NHS: variants seen among roughly 807,000 people sequenced by gnomAD.
The protein encoded by NHS is NHS actin remodeling regulator, also known as actin remodeling regulator NHS.
NHS carries 5 observed loss-of-function variants against 72.5 expected under a neutral mutation model. The ratio of observed to expected loss-of-function variants is 0.07; its 90% CI spans 0.04 to 0.14. NHS has a LOEUF of 0.14. NHS is among the 10% of genes least tolerant of loss of function. NHS has a pLI of 1.00. For missense variants in NHS, 1,072 were observed against 1,355.7 expected (o/e 0.79, Z 3.29); for synonymous variants, 464 against 547.7 (o/e 0.85, Z 2.13).
At chrX:17,449,209 T>C (rs987902744) in intron 1 of NHS, among the ~76,000 whole-genome samples, 1 of 113,441 alleles carries the variant, frequency 8.8e-6, no homozygotes, top group African/African-American at 3.2e-5. Flanking sequence ...CTTGTTATAA[T>C]TCAGCTCATT....
intron 1 of NHS, among the ~76,000 whole-genome samples, chrX:17,600,683 C>T (rs748085205): frequency 9.0e-6 from 1 of 110,992 alleles, no homozygotes; most frequent in South Asian, 3.8e-4. Context: ...TATTGTCAGG[C>T]TCTATTCATG....
intron 1 of NHS, among the ~76,000 whole-genome samples, chrX:17,486,811 C>T (rs1176921582): frequency 2.7e-5 from 3 of 111,980 alleles, no homozygotes; most frequent in Non-Finnish European, 5.6e-5. Context: ...TTACTGTGTG[C>T]CAGGCACTGT....
chrX:17,383,066 G>T (rs2064386025), intron 1 of NHS, among the ~76,000 whole-genome samples: 1 of 112,056 alleles, frequency 8.9e-6, no homozygotes, highest in South Asian at 3.7e-4. Context: ...CTGAGCTCCA[G>T]TTACCCACAG....
In NHS at chrX:17,625,037, A is replaced by T. The variant is rs1048309229; in HGVS notation, c.566-62705A>T. On this transcript the variant is annotated intron_variant, in intron 1 of 8. Transcript: ENST00000676302. ...AACTGAGAAATAAAAATATTTTCTT[A>T]GTAATTTATTTCAAAATCAACAAAC... Among the ~76,000 whole-genome samples, 4 of 112,736 alleles carry T rather than the reference A, an allele frequency of 3.5e-5. No individual in the cohort carries two copies. The Admixed American group carries it at 3.8e-4, about 11-fold the overall frequency.
At chrX:17,691,999 T>G (rs2066198649) in intron 2 of NHS, among the ~76,000 whole-genome samples, 1 of 111,904 alleles carries the variant, frequency 8.9e-6, no homozygotes, top group African/African-American at 3.3e-5. Flanking sequence ...CCAGTACTGA[T>G]GGCAGCAAAT....
At chrX:17,441,204 C>T (rs774340163) in intron 1 of NHS, among the ~76,000 whole-genome samples, 4 of 112,555 alleles carry the variant, frequency 3.6e-5, no homozygotes, top group Non-Finnish European at 7.5e-5. Flanking sequence ...GCCCCTCCTC[C>T]GTGCTGGTCC....
chrX:17,422,646 G>A (rs1479091712), intron 1 of NHS, among the ~76,000 whole-genome samples: 1 of 111,656 alleles, frequency 9.0e-6, no homozygotes, highest in African/African-American at 3.3e-5. Flanking sequence ...CACCAAAAAT[G>A]TTTTCAGATA....
chrX:17,624,783 G>T lies in NHS; in HGVS notation c.566-62959G>T, dbSNP rs751942184. Among the ~76,000 whole-genome samples the T allele has an allele frequency of 4.4e-5, 5 of 112,849 alleles. No homozygotes were observed. In the South Asian group the frequency reaches 1.8e-3, roughly 41 times the overall value. On this transcript the variant is annotated intron_variant, in intron 1 of 8. Coordinates refer to ENST00000676302, the MANE Select transcript of NHS (RefSeq NM_001291867.2). ...AAGCCCTCAGGCAGAACAACAGAGAGAACTGGATGGTTGTGGTGGGAAATG... is the reference window on the plus strand; with the variant it reads ...AAGCCCTCAGGCAGAACAACAGAGATAACTGGATGGTTGTGGTGGGAAATG...
intron 1 of NHS, among the ~76,000 whole-genome samples, chrX:17,504,741 A>G (rs1405901528): frequency 1.8e-5 from 2 of 112,055 alleles, no homozygotes; most frequent in East Asian, 2.8e-4. Context: ...CAGTGTTTCC[A>G]TTTGCTGATT....
chrX:17,678,783 A>G (rs1426583619), intron 1 of NHS, among the ~76,000 whole-genome samples: 1 of 112,074 alleles, frequency 8.9e-6, no homozygotes, highest in Non-Finnish European at 1.9e-5. Flanking sequence ...TCACTACTAC[A>G]TAATAGACAT....
chrX:17,619,503 A>G (rs958027786), intron 1 of NHS, among the ~76,000 whole-genome samples: 1 of 112,513 alleles, frequency 8.9e-6, no homozygotes, highest in African/African-American at 3.2e-5. Flanking sequence ...GGGCATGTAG[A>G]ACACACTTCT....
chrX:17,661,823 C>A (rs1338149958), intron 1 of NHS, among the ~76,000 whole-genome samples: 1 of 111,909 alleles, frequency 8.9e-6, no homozygotes, highest in Non-Finnish European at 1.9e-5. Context: ...TGAAGAAAGT[C>A]ACCCCGTCTA....
intron 1 of NHS, among the ~76,000 whole-genome samples, chrX:17,494,159 G>T (rs1254252121): frequency 1.0e-5 from 1 of 100,067 alleles, no homozygotes; most frequent in African/African-American, 3.7e-5. Context: ...GCTCACTGCA[G>T]CCTCTGCCTC....
At position 17,538,306 on chromosome X, in the gene NHS, A is replaced by G. The variant is rs780599669; in HGVS notation, c.566-149436A>G. Among the ~76,000 whole-genome samples the G allele has an allele frequency of 2.7e-5, 3 of 111,989 alleles. No individual in the cohort carries two copies. The South Asian group carries it at 1.1e-3, about 42-fold the overall frequency. On this transcript the variant is annotated intron_variant, in intron 1 of 8. Coordinates refer to ENST00000676302, the MANE Select transcript of NHS (RefSeq NM_001291867.2). ...AGGTTGGCTTCCTCTAAAAGCAGAC[A>G]TGACATGAGGAATGGAGCAAATGCT...
At position 17,735,830 on chromosome X, in the gene NHS, C is replaced by G. The variant is rs1048575466; in HGVS notation, c.*3366C>G. ...TTTCAACGTTTACATTCAATCCAAG[C>G]CTTTGTATATTTTAGAGCTGTGCAA... is the stretch of plus-strand genomic sequence containing the variant. On this transcript the variant is annotated 3_prime_UTR_variant, in exon 9 of 9. Transcript: ENST00000676302. 14 of 112,420 alleles carry G rather than the reference C, an allele frequency of 1.2e-4. No homozygotes were observed. The highest frequency in any genetic ancestry group is 2.6e-4 in the Non-Finnish European group (14 of 53,247). The allele number at this position is 112,420 out of a possible 1,213,427, so 9.3% of individuals were successfully genotyped here.
intron 1 of NHS, among the ~76,000 whole-genome samples, chrX:17,376,552 T>C (rs1369112577): frequency 2.7e-5 from 3 of 111,645 alleles, no homozygotes; most frequent in Admixed American, 1.9e-4. Flanking sequence ...CGGTGGAAAG[T>C]TAAAAGGGCG....
At position 17,445,753 on chromosome X, in the gene NHS, A is replaced by T. The variant is rs996494375; in HGVS notation, c.565+69431A>T. Among the ~76,000 whole-genome samples, 3 of 100,664 alleles carry T rather than the reference A, an allele frequency of 3.0e-5. No homozygotes were observed. The South Asian group carries it at 1.9e-3, about 64-fold the overall frequency. 87.4% of individuals were successfully genotyped at this position (100,664 alleles called of 115,157 possible). A position where few individuals can be genotyped will look rare whatever the true frequency, so the allele number is the denominator to read the frequency against. ...TCGACTTACTCACTGCTAAAAAAAA[A>T]AAAGGGGGGGGGGACTCTGTATATT... On this transcript the variant is annotated intron_variant, in intron 1 of 8. Coordinates refer to ENST00000676302, the MANE Select transcript of NHS (RefSeq NM_001291867.2).
At chrX:17,443,954 A>G (rs1198392699) in intron 1 of NHS, among the ~76,000 whole-genome samples, 1 of 111,456 alleles carries the variant, frequency 9.0e-6, no homozygotes, top group Non-Finnish European at 1.9e-5. Flanking sequence ...ATATCTTGTC[A>G]AATAAGGGAG....
intron 3 of NHS, among the ~76,000 whole-genome samples, chrX:17,717,210 G>A (rs1012730144): frequency 1.8e-5 from 2 of 112,018 alleles, no homozygotes; most frequent in African/African-American, 3.2e-5. Context: ...CAAGTGATCC[G>A]CCTGCCTTGG....
Sources: gnomAD v4.1 joint callset for allele counts (sites outside exome capture counted in the v4.1 genomes callset) on GRCh38, gnomAD v4.1.1 for gene constraint, MANE v1.5 for transcripts, NCBI Gene and HGNC (gene_info 2026-07-23, HGNC 2026-07-21) for gene names.